FZD3: variants seen among roughly 807,000 people sequenced by gnomAD.
FZD3 encodes the protein frizzled class receptor 3, also known as frizzled-3.
Under a neutral mutation model 60.7 loss-of-function variants are expected in FZD3, and 30 were observed. The ratio of observed to expected loss-of-function variants is 0.49; its 90% CI spans 0.37 to 0.67. The LOEUF (loss-of-function observed/expected upper bound fraction) is 0.67. FZD3 is among the 30% of genes least tolerant of loss of function. The probability of loss-of-function intolerance (pLI) is 0.00; values close to 1 mark genes in which losing one functional copy is unlikely to be tolerated. For synonymous variants in FZD3, 246 were observed against 275.2 expected, an observed-to-expected ratio of 0.89 and a Z score of 1.05; for missense variants, 605 against 838.7, an observed-to-expected ratio of 0.72 and a Z score of 3.44.
Position 28,570,290 on chromosome 8 carries a change from G to C in FZD3, c.*7279G>C, listed in dbSNP as rs376787802. 1.3e-5 allele frequency: 2 copies of C among 152,006 alleles called. No individual in the cohort carries two copies. Among genetic ancestry groups the C allele is most frequent in the Non-Finnish European group, 2.9e-5 (2 of 68,126 alleles). 9.4% of individuals were successfully genotyped at this position (152,006 alleles called of 1,614,324 possible). On this transcript the variant is annotated 3_prime_UTR_variant, in exon 8 of 8. Transcript: ENST00000240093. ...GCAGATCACCTGAGGTCAGGAGTTC[G>C]AGACCAGCCTGATGAACATGGCAAA...
chr8:28,548,622 A>C (rs1391855247), intron 5 of FZD3, among the ~76,000 whole-genome samples: 1 of 152,244 alleles, frequency 6.6e-6, no homozygotes, highest in Non-Finnish European at 1.5e-5. Context: ...GCTTATATTA[A>C]ACACTGTGTT....
chr8:28,522,251 C>A (rs1271271285), intron 4 of FZD3, among the ~76,000 whole-genome samples: 4 of 150,626 alleles, frequency 2.7e-5, no homozygotes, highest in African/African-American at 9.8e-5. Flanking sequence ...TGTTTTCTTA[C>A]AAACATTATA....
chr8:28,531,003 G>A (rs1804858582), intron 5 of FZD3, among the ~76,000 whole-genome samples: 7 of 152,000 alleles, frequency 4.6e-5, no homozygotes, highest in Admixed American at 2.0e-4. Context: ...AAATATCCAT[G>A]TACTCACAAC....
chr8:28,534,727 A>G (rs1408435253), intron 5 of FZD3, among the ~76,000 whole-genome samples: 1 of 152,214 alleles, frequency 6.6e-6, no homozygotes, highest in Non-Finnish European at 1.5e-5. Context: ...CTTTGATTTT[A>G]ATATTCAGAT....
chr8:28,501,404 A>G (rs1280751809), intron 2 of FZD3, among the ~76,000 whole-genome samples: 2 of 152,152 alleles, frequency 1.3e-5, no homozygotes, highest in Admixed American at 6.6e-5. Flanking sequence ...ACTTAAGCCA[A>G]AGCAGTTCCA....
chr8:28,542,877 C>A (rs1805203908), intron 5 of FZD3, among the ~76,000 whole-genome samples: 1 of 152,196 alleles, frequency 6.6e-6, no homozygotes, highest in Admixed American at 6.5e-5. Context: ...CATGGTAGCA[C>A]TCAGTATTTA....
Position 28,567,217 on chromosome 8 carries a change from A to T in FZD3, c.*4206A>T, listed in dbSNP as rs1312979014. ...TGCCCAGGCTGGAGTGCAGTGGCAC[A>T]ATCTCAGCTCACTGCAACCTCCACC... On this transcript the variant is annotated 3_prime_UTR_variant, in exon 8 of 8. Transcript: ENST00000240093. 6.6e-6 allele frequency: 1 copy of T among 152,388 alleles called. No homozygotes were observed. Among genetic ancestry groups the T allele is most frequent in the African/African-American group, 2.4e-5 (1 of 41,354 alleles). 9.4% of individuals were successfully genotyped at this position (152,388 alleles called of 1,614,324 possible). A position where few individuals can be genotyped will look rare whatever the true frequency, so the allele number is the denominator to read the frequency against.
chr8:28,541,490 A>G (rs541285145), intron 5 of FZD3, among the ~76,000 whole-genome samples: 4 of 152,324 alleles, frequency 2.6e-5, no homozygotes, highest in African/African-American at 7.2e-5. Context: ...TACGTGAACA[A>G]TATTTCTAAT....
In FZD3 at chr8:28,530,129, G is replaced by GTGTGTC. The variant is rs1202974331; in HGVS notation, c.1404+1970_1404+1971insCTGTGT. Among the ~76,000 whole-genome samples the GTGTGTC allele has an allele frequency of 8.4e-5, 10 of 118,528 alleles. No individual in the cohort carries two copies. In the South Asian group the frequency reaches 2.8e-3, roughly 33 times the overall value. 77.8% of individuals were successfully genotyped at this position (118,528 alleles called of 152,430 possible). On this transcript the variant is annotated intron_variant, in intron 5 of 7. Coordinates refer to ENST00000240093, the MANE Select transcript of FZD3 (RefSeq NM_017412.4). ...TGTGTGTGTGTGTGTGTGTGTGTGT[G>GTGTGTC]TGTGTGTGTGTGTTGGGGGGGATTA...
In FZD3 at chr8:28,503,125, G is replaced by C. The variant is rs1197447628; in HGVS notation, c.112G>C (p.Asp38His). Residue 38 changes from aspartate to histidine, a missense_variant, in exon 3 of 8, where the codon GAT becomes CAT. Transcript: ENST00000240093. ...CEPITLRMCQ[D>H]LPYNTTFMPN... ...ACCTATTACCTTGAGGATGTGCCAA[G>C]ATTTGCCTTATAATACTACCTTCAT... 3 of 1,613,382 alleles carry C rather than the reference G, an allele frequency of 1.9e-6. No homozygotes were observed. Among genetic ancestry groups the C allele is most frequent in the Non-Finnish European group, 2.5e-6 (3 of 1,179,480 alleles).
At chr8:28,542,355 C>G (rs1805189378) in intron 5 of FZD3, among the ~76,000 whole-genome samples, 1 of 152,056 alleles carries the variant, frequency 6.6e-6, no homozygotes, top group Non-Finnish European at 1.5e-5. Context: ...AAATTGCTTG[C>G]TGGCCGGCCG....
In FZD3 at chr8:28,564,269, T is replaced by A. The variant is rs1012241290; in HGVS notation, c.*1258T>A. On this transcript the variant is annotated 3_prime_UTR_variant, in exon 8 of 8. Coordinates refer to ENST00000240093, the MANE Select transcript of FZD3 (RefSeq NM_017412.4). ...TTTACAATATAAACTGTAAAACTTA[T>A]TAGGCATGAAATCAATCAGAAGAGA... 4 of 152,126 alleles carry A rather than the reference T, an allele frequency of 2.6e-5. No individual in the cohort carries two copies. The East Asian group carries it at 5.8e-4, about 22-fold the overall frequency. The allele number at this position is 152,126 out of a possible 1,614,324, so 9.4% of individuals were successfully genotyped here. A position where few individuals can be genotyped will look rare whatever the true frequency, so the allele number is the denominator to read the frequency against.
chr8:28,540,239 G>GT (rs1025436174), intron 5 of FZD3, among the ~76,000 whole-genome samples: 4 of 152,020 alleles, frequency 2.6e-5, no homozygotes, highest in African/African-American at 9.7e-5. Flanking sequence ...GGTAAGTTTT[G>GT]TTTTTTCTGA....
At chr8:28,536,109 G>C (rs1487642371) in intron 5 of FZD3, among the ~76,000 whole-genome samples, 1 of 152,114 alleles carries the variant, frequency 6.6e-6, no homozygotes, top group African/African-American at 2.4e-5. Flanking sequence ...GTAAAATTTC[G>C]ATATTAACTC....
rs1210822766 is a variant in FZD3, at chr8:28,573,579, A to G, written c.*10568A>G. The G allele has an allele frequency of 6.6e-6, 1 of 150,860 alleles. No individual in the cohort carries two copies. Among genetic ancestry groups the G allele is most frequent in the African/African-American group, 2.4e-5 (1 of 40,966 alleles). The allele number at this position is 150,860 out of a possible 1,614,324, so 9.3% of individuals were successfully genotyped here. On this transcript the variant is annotated 3_prime_UTR_variant, in exon 8 of 8. Transcript: ENST00000240093. ...CCTGCTGATCCTGTTTTTTAAGTTCAAGCGCAATGCCTGAAGCATCCTAGA... is the reference window on the plus strand; with the variant it reads ...CCTGCTGATCCTGTTTTTTAAGTTCGAGCGCAATGCCTGAAGCATCCTAGA...
At position 28,571,158 on chromosome 8, in the gene FZD3, A is replaced by G. The variant is rs1282258007; in HGVS notation, c.*8147A>G. 6.6e-6 allele frequency: 1 copy of G among 152,182 alleles called. No homozygotes were observed. Among genetic ancestry groups the G allele is most frequent in the Non-Finnish European group, 1.5e-5 (1 of 68,022 alleles). 9.4% of individuals were successfully genotyped at this position (152,182 alleles called of 1,614,324 possible). A position where few individuals can be genotyped will look rare whatever the true frequency, so the allele number is the denominator to read the frequency against. On this transcript the variant is annotated 3_prime_UTR_variant, in exon 8 of 8. Transcript: ENST00000240093. ...ATTTTCTGGGTTTTGATAATGGGAT[A>G]TTCTGTAAGATAAAGCAAGTAATCC... is the stretch of plus-strand genomic sequence containing the variant.
rs1805655385 is a variant in FZD3 at position 28,563,638 on chromosome 8, G to A, written c.*627G>A. ...TAATCTTCATGCAGAGATATTCAGG[G>A]TTTGGATTAGCAGTGGAATAAAGAG... is the stretch of plus-strand genomic sequence containing the variant. On this transcript the variant is annotated 3_prime_UTR_variant, in exon 8 of 8. Coordinates refer to ENST00000240093, the MANE Select transcript of FZD3 (RefSeq NM_017412.4). 1 of 152,302 alleles carries A rather than the reference G, an allele frequency of 6.6e-6. No homozygotes were observed. The highest frequency in any genetic ancestry group is 2.1e-4 in the South Asian group (1 of 4,836). 9.4% of individuals were successfully genotyped at this position (152,302 alleles called of 1,614,324 possible).
chr8:28,518,655 A>G (rs1051621933), intron 3 of FZD3, among the ~76,000 whole-genome samples: 34 of 151,920 alleles, frequency 2.2e-4, no homozygotes, highest in Non-Finnish European at 3.2e-4. Flanking sequence ...TTTGTGTTAG[A>G]CTCAGTCCTT....
intron 1 of FZD3, among the ~76,000 whole-genome samples, chr8:28,495,980 A>G (rs991440372): frequency 3.3e-5 from 5 of 152,076 alleles, no homozygotes; most frequent in African/African-American, 9.7e-5. Context: ...CATCTCTCCT[A>G]AATCGTCCCA....
Sources: gnomAD v4.1 joint callset for allele counts (sites outside exome capture counted in the v4.1 genomes callset) on GRCh38, gnomAD v4.1.1 for gene constraint, MANE v1.5 for transcripts, NCBI Gene and HGNC (gene_info 2026-07-23, HGNC 2026-07-21) for gene names.